SBF2: variants seen among roughly 807,000 people sequenced by gnomAD.
SBF2 encodes myotubularin-related protein 13.
SBF2 carries 112 observed loss-of-function variants against 225.2 expected under a neutral mutation model. The ratio of observed to expected loss-of-function variants is 0.50; its 90% CI spans 0.43 to 0.58. The LOEUF (loss-of-function observed/expected upper bound fraction) is 0.58, where lower values mean the gene tolerates loss of function less well. SBF2 is among the 20% of genes least tolerant of loss of function. The pLI, the probability that SBF2 is intolerant of heterozygous loss-of-function variation, is 0.00. For synonymous variants in SBF2, 763 were observed against 773.3 expected, an observed-to-expected ratio of 0.99 and a Z score of 0.22; for missense variants, 1,996 against 2,206.2, an observed-to-expected ratio of 0.90 and a Z score of 1.91.
chr11:9,986,796 C>CA (rs978245162), intron 13 of SBF2, among the ~76,000 whole-genome samples: 54 of 151,726 alleles, frequency 3.6e-4, no homozygotes, highest in Middle Eastern at 3.4e-3. Context: ...AAATTACCAA[C>CA]AAAAAAAAGT....
chr11:9,870,731 T>C (rs941802301), intron 17 of SBF2, among the ~76,000 whole-genome samples: 1 of 152,090 alleles, frequency 6.6e-6, no homozygotes, highest in African/African-American at 2.4e-5. Flanking sequence ...ATCCCAGCAC[T>C]TTGGGAGGCT....
At chr11:9,919,346 G>A (rs4616018) in intron 16 of SBF2, among the ~76,000 whole-genome samples, 1 of 150,154 alleles carries the variant, frequency 6.7e-6, no homozygotes, top group Admixed American at 6.6e-5. Context: ...GCTTGTAGTA[G>A]GACGAGCCAC....
chr11:10,062,640 T>C (rs1424953296), intron 2 of SBF2, among the ~76,000 whole-genome samples: 1 of 152,146 alleles, frequency 6.6e-6, no homozygotes, highest in Non-Finnish European at 1.5e-5. Flanking sequence ...CACAATGAGA[T>C]ACCATTTCAC....
intron 2 of SBF2, among the ~76,000 whole-genome samples, chr11:10,161,823 TA>T (rs1565301404): frequency 7.4e-6 from 1 of 134,548 alleles, no homozygotes; most frequent in Non-Finnish European, 1.6e-5. Flanking sequence ...AAATAATAAT[TA>T]AAAAATAAGG....
At position 9,993,940 on chromosome 11, in the gene SBF2, A is replaced by G. The variant is rs1424013927; in HGVS notation, c.1034T>C (p.Leu345Ser). 1 of 1,293,396 alleles carries G rather than the reference A, an allele frequency of 7.7e-7. No homozygotes were observed. The highest frequency in any genetic ancestry group is 1.1e-6 in the Non-Finnish European group (1 of 887,190). The allele number at this position is 1,293,396 out of a possible 1,614,324, so 80.1% of individuals were successfully genotyped here. A position where few individuals can be genotyped will look rare whatever the true frequency, so the allele number is the denominator to read the frequency against. Residue 345 changes from leucine (L) to serine (S), a missense_variant, in exon 10 of 40, where the codon TTA (leucine) becomes TCA (serine). Physicochemically the swap from Leu to Ser is moderately radical, Grantham distance 145 (BLOSUM62 -2). Transcript: ENST00000256190. ...TCTTACCAGCATTTTTGAGTGGGAT[A>G]AAGCTGTTCGTGGAGGAGGAAAAGC... ...DHAFPPPRTA[L>S]SHSKMLDKEV...
Position 9,779,877 on chromosome 11 carries a change from C to T in SBF2, c.*541G>A. 1 of 187,786 alleles carries T rather than the reference C, an allele frequency of 5.3e-6. No individual in the cohort carries two copies. 11.6% of individuals were successfully genotyped at this position (187,786 alleles called of 1,614,324 possible). A position where few individuals can be genotyped will look rare whatever the true frequency, so the allele number is the denominator to read the frequency against. ...AACAATGACGTCTCTTGTTGTGAAC[C>T]CCACTGGCAGAGCACGGACCATGGA... is the stretch of plus-strand genomic sequence containing the variant. On this transcript the variant is annotated 3_prime_UTR_variant, in exon 40 of 40. Transcript: ENST00000256190.
At chr11:9,836,320 G>A (rs1028089346) in intron 26 of SBF2, among the ~76,000 whole-genome samples, 1 of 152,026 alleles carries the variant, frequency 6.6e-6, no homozygotes, top group Non-Finnish European at 1.5e-5. Context: ...AGGTCAATGG[G>A]AATAGGTCAA....
Position 9,870,889 on chromosome 11 carries a change from G to T in SBF2, c.1930-12493C>A, listed in dbSNP as rs572361698. On this transcript the variant is annotated intron_variant, in intron 17 of 39. Coordinates refer to ENST00000256190, the MANE Select transcript of SBF2 (RefSeq NM_030962.4). ...CTTGGGAGGCTGAGGCAGCAGAATC[G>T]CCTGAACCCAGGAGGTGGAGGTTGC... Among the ~76,000 whole-genome samples, 212 of 151,356 alleles carry T rather than the reference G, an allele frequency of 1.4e-3. 1 individual carries two copies. Among genetic ancestry groups the T allele is most frequent in the African/African-American group, 4.9e-3 (201 of 41,166 alleles).
intron 16 of SBF2, among the ~76,000 whole-genome samples, chr11:9,913,974 T>C (rs1262542406): frequency 1.3e-5 from 2 of 152,220 alleles, no homozygotes; most frequent in African/African-American, 2.4e-5. Flanking sequence ...AGTGCTGCGA[T>C]TACAGGCATT....
intron 17 of SBF2, among the ~76,000 whole-genome samples, chr11:9,865,518 T>C (rs979424636): frequency 9.2e-5 from 14 of 151,378 alleles, no homozygotes; most frequent in African/African-American, 2.9e-4. Context: ...AGTGAAACCC[T>C]GTCTCTACTA....
intron 28 of SBF2, 87 bp from the exon 29 acceptor site, chr11:9,817,111 A>G (rs1166450240): frequency 7.1e-7 from 1 of 1,412,972 alleles, no homozygotes; most frequent in Admixed American, 1.7e-5. Context: ...CTGGAGCTAC[A>G]GTTTTAGAGG....
intron 2 of SBF2, among the ~76,000 whole-genome samples, chr11:10,133,922 A>G (rs1373887307): frequency 6.6e-6 from 1 of 152,254 alleles, no homozygotes. Flanking sequence ...TTCCTGACAC[A>G]GAACTCCTAA....
intron 17 of SBF2, among the ~76,000 whole-genome samples, chr11:9,882,102 A>T (rs1054557671): frequency 6.6e-6 from 1 of 152,240 alleles, no homozygotes; most frequent in Non-Finnish European, 1.5e-5. Flanking sequence ...TTCGGAAAAC[A>T]GTTACTTAGT....
intron 16 of SBF2, among the ~76,000 whole-genome samples, chr11:9,897,374 A>C (rs965330986): frequency 4.6e-5 from 7 of 152,038 alleles, no homozygotes; most frequent in African/African-American, 1.7e-4. Context: ...AGTAGCTGGG[A>C]TTATAGGCAC....
At chr11:10,218,498 C>T (rs1958218821) in intron 1 of SBF2, among the ~76,000 whole-genome samples, 1 of 152,112 alleles carries the variant, frequency 6.6e-6, no homozygotes, top group Non-Finnish European at 1.5e-5. Flanking sequence ...ATCATGCCTT[C>T]CCAGCAGTCC....
At chr11:9,954,349 C>G (rs1399733997) in intron 16 of SBF2, among the ~76,000 whole-genome samples, 2 of 151,042 alleles carry the variant, frequency 1.3e-5, no homozygotes, top group Non-Finnish European at 3.0e-5. Flanking sequence ...CCTTGAAACT[C>G]TATGCTTTTG....
chr11:9,942,901 G>GAA lies in SBF2; in HGVS notation c.1860+19055_1860+19056insTT, dbSNP rs1554962757. 2.9e-3 allele frequency among the ~76,000 whole-genome samples: 297 copies of GAA among 101,366 alleles called. 2 individuals carry two copies. Among genetic ancestry groups the GAA allele is most frequent in the Admixed American group, 4.9e-3 (45 of 9,096 alleles). The allele number at this position is 101,366 out of a possible 152,430, so 66.5% of individuals were successfully genotyped here. ...AAAGAAAAGAAAAGAAAGAGAGAGA[G>GAA]AGAAAGAAAGAAAGAAAGAAAGAAA... is the stretch of plus-strand genomic sequence containing the variant. On this transcript the variant is annotated intron_variant, in intron 16 of 39. Coordinates refer to ENST00000256190, the MANE Select transcript of SBF2 (RefSeq NM_030962.4).
intron 2 of SBF2, among the ~76,000 whole-genome samples, chr11:10,179,416 C>CA (rs911406835): frequency 1.4e-5 from 2 of 147,904 alleles, no homozygotes; most frequent in Non-Finnish European, 1.5e-5. Context: ...AACAAACAAA[C>CA]AAAAAAAACT....
At position 10,289,560 on chromosome 11, in the gene SBF2, G is replaced by A. The variant is rs1036041816; in HGVS notation, c.55+4455C>T. On this transcript the variant is annotated intron_variant, in intron 1 of 39. Coordinates refer to ENST00000256190, the MANE Select transcript of SBF2 (RefSeq NM_030962.4). ...CCAGCTTGTGGCCCTGCCTAGGGGG[G>A]TGCCTCCAGGAGCAGACTGTGGGCC... is the stretch of plus-strand genomic sequence containing the variant. Among the ~76,000 whole-genome samples the A allele has an allele frequency of 3.3e-5, 5 of 152,212 alleles. No homozygotes were observed. In the South Asian group the frequency reaches 8.3e-4, roughly 25 times the overall value.
Sources: allele counts gnomAD v4.1 joint callset (sites outside exome capture counted in the v4.1 genomes callset), GRCh38; gene constraint gnomAD v4.1.1; transcripts MANE v1.5; gene names NCBI Gene and HGNC (gene_info 2026-07-23, HGNC 2026-07-21).